Variants in KCTD20 observed in about 807,000 individuals in gnomAD.
The protein encoded by KCTD20 is BTB/POZ domain-containing protein KCTD20.
KCTD20 carries 30 observed loss-of-function variants against 39.6 expected under a neutral mutation model. That is an observed-to-expected ratio of 0.76 (90% CI 0.57 to 1.03). The LOEUF is 1.03. Among genes scored for constraint, KCTD20 ranks in the 50% least tolerant of loss-of-function variants. The pLI is 0.00. For missense variants in KCTD20, 422 were observed against 522.0 expected, an observed-to-expected ratio of 0.81 and a Z score of 1.87; for synonymous variants, 162 against 180.6, an observed-to-expected ratio of 0.90 and a Z score of 0.83.
intron 1 of KCTD20, among the ~76,000 whole-genome samples, chr6:36,460,692 T>C (rs1775576895): frequency 6.6e-6 from 1 of 152,136 alleles, no homozygotes. Context: ...GTAGCAATTA[T>C]TTAAAGAGGA....
chr6:36,450,308 C>G (rs190523257), intron 1 of KCTD20, among the ~76,000 whole-genome samples: 128 of 151,092 alleles, frequency 8.5e-4, no homozygotes, highest in Admixed American at 1.9e-3. Flanking sequence ...GCCAACATGA[C>G]GAAACCCTGT....
At chr6:36,466,698 T>A (rs1369353520) in intron 1 of KCTD20, among the ~76,000 whole-genome samples, 3 of 152,082 alleles carry the variant, frequency 2.0e-5, no homozygotes, top group Non-Finnish European at 2.9e-5. Flanking sequence ...TCTTTCCTTT[T>A]TTTTTTCCCC....
chr6:36,459,318 A>G (rs1383179933), intron 1 of KCTD20, among the ~76,000 whole-genome samples: 3 of 152,256 alleles, frequency 2.0e-5, no homozygotes, highest in African/African-American at 7.2e-5. Context: ...CTCAAAAAAA[A>G]AGAAAAAGAA....
intron 1 of KCTD20, among the ~76,000 whole-genome samples, chr6:36,467,283 G>A (rs944526248): frequency 2.2e-5 from 3 of 135,340 alleles, no homozygotes; most frequent in African/African-American, 5.4e-5. Flanking sequence ...ACTCCAGCCT[G>A]GGCAACAAGT....
chr6:36,484,831 A>G lies in KCTD20; in HGVS notation c.967+7A>G. On this transcript the variant is annotated splice_region_variant and intron_variant, in intron 7 of 7. Transcript: ENST00000373731. The stretch of plus-strand genomic sequence containing the variant: ...ATTCGCATTGGAATTGAAGGTAAAA[A>G]AAAAAAAAAAATCCCAGTCAACATT... 1 of 1,519,092 alleles carries G rather than the reference A, an allele frequency of 6.6e-7. No individual in the cohort carries two copies. 94.1% of individuals were successfully genotyped at this position (1,519,092 alleles called of 1,614,324 possible).
chr6:36,455,001 T>C (rs1462544719), intron 1 of KCTD20, among the ~76,000 whole-genome samples: 3 of 152,180 alleles, frequency 2.0e-5, no homozygotes, highest in Non-Finnish European at 4.4e-5. Flanking sequence ...AGTGTTACTT[T>C]TAGGCTCCCA....
chr6:36,470,675 C>T (rs1775885704), intron 2 of KCTD20, among the ~76,000 whole-genome samples: 1 of 152,090 alleles, frequency 6.6e-6, no homozygotes, highest in African/African-American at 2.4e-5. Flanking sequence ...GATCTTGGCT[C>T]ACTGCAGCTC....
At chr6:36,476,592 G>A (rs1239362480) in intron 3 of KCTD20, among the ~76,000 whole-genome samples, 1 of 151,916 alleles carries the variant, frequency 6.6e-6, no homozygotes, top group Non-Finnish European at 1.5e-5. Flanking sequence ...ACCACACCCG[G>A]CAAATTTTTG....
At position 36,462,309 on chromosome 6, in the gene KCTD20, T is replaced by TA. The variant is rs1463631461; in HGVS notation, c.-46-7743_-46-7742insA. On this transcript the variant is annotated intron_variant, in intron 1 of 7. Transcript: ENST00000373731. ...TTGTGGTCAGATTTGTCTTTCTCAT[T>TA]TCGCTTTTGGGTTTTGGGTCTTGAT... Among the ~76,000 whole-genome samples the TA allele has an allele frequency of 3.6e-4, 55 of 152,330 alleles. 1 individual carries two copies. Among genetic ancestry groups the TA allele is most frequent in the Admixed American group, 2.1e-3 (32 of 15,290 alleles).
intron 2 of KCTD20, among the ~76,000 whole-genome samples, chr6:36,470,870 C>G (rs1775890336): frequency 6.6e-6 from 1 of 152,214 alleles, no homozygotes; most frequent in South Asian, 2.1e-4. Context: ...TCTTCCTAGG[C>G]CCGGCACGGT....
intron 1 of KCTD20, among the ~76,000 whole-genome samples, chr6:36,462,365 T>C (rs1458212282): frequency 6.6e-6 from 1 of 152,182 alleles, no homozygotes; most frequent in Non-Finnish European, 1.5e-5. Flanking sequence ...TAGATTGTAA[T>C]CTCCTGTAAC....
chr6:36,475,749 T>A (rs554794946), intron 3 of KCTD20, among the ~76,000 whole-genome samples: 184 of 135,286 alleles, frequency 1.4e-3, no homozygotes, highest in Middle Eastern at 3.6e-3. Context: ...GCTCCCTTTT[T>A]AAAAAAAAAA....
rs1776531602 is a variant in KCTD20 at position 36,489,777 on chromosome 6, A to G, written c.*2602A>G. 1 of 152,222 alleles carries G rather than the reference A, an allele frequency of 6.6e-6. No homozygotes were observed. Among genetic ancestry groups the G allele is most frequent in the South Asian group, 2.1e-4 (1 of 4,838 alleles). 9.4% of individuals were successfully genotyped at this position (152,222 alleles called of 1,614,324 possible). A position where few individuals can be genotyped will look rare whatever the true frequency, so the allele number is the denominator to read the frequency against. ...AAGCCAGGCTGTTGATATTTTAGCC[A>G]GAGAAATCGGCAAGCCAAGATTAAC... On this transcript the variant is annotated 3_prime_UTR_variant, in exon 8 of 8. Coordinates refer to ENST00000373731, the MANE Select transcript of KCTD20 (RefSeq NM_173562.5).
chr6:36,459,043 C>T (rs377096931), intron 1 of KCTD20, among the ~76,000 whole-genome samples: 5 of 152,014 alleles, frequency 3.3e-5, no homozygotes, highest in South Asian at 2.1e-4. Flanking sequence ...CCGTGGCCCA[C>T]GCCTGTAATC....
intron 7 of KCTD20, among the ~76,000 whole-genome samples, chr6:36,486,105 T>G (rs1174520542): frequency 6.6e-6 from 1 of 152,036 alleles, no homozygotes; most frequent in Non-Finnish European, 1.5e-5. Flanking sequence ...AGATGAGGTC[T>G]CCCTCTGGCC....
chr6:36,472,174 C>T (rs1408155503), intron 2 of KCTD20, among the ~76,000 whole-genome samples: 3 of 152,150 alleles, frequency 2.0e-5, no homozygotes, highest in African/African-American at 7.2e-5. Context: ...TTTTAATAAA[C>T]AGCACCTCAC....
At chr6:36,465,296 C>CAA (rs143652568) in intron 1 of KCTD20, among the ~76,000 whole-genome samples, 5 of 83,180 alleles carry the variant, frequency 6.0e-5, no homozygotes, top group African/African-American at 2.0e-4. Context: ...GATTCCGTCT[C>CAA]AAAAAAAAAA....
chr6:36,486,205 G>A (rs1250782264), intron 7 of KCTD20, among the ~76,000 whole-genome samples: 2 of 152,192 alleles, frequency 1.3e-5, no homozygotes, highest in African/African-American at 4.8e-5. Flanking sequence ...ACAGTGTCCA[G>A]CCTTGGAAGA....
chr6:36,444,550 CT>C (rs1774981129), intron 1 of KCTD20, among the ~76,000 whole-genome samples: 1 of 152,020 alleles, frequency 6.6e-6, no homozygotes, highest in Non-Finnish European at 1.5e-5. Context: ...TCACTCAAGT[CT>C]CCCCATGGAA....
Sources: allele counts gnomAD v4.1 joint callset (sites outside exome capture counted in the v4.1 genomes callset), GRCh38; gene constraint gnomAD v4.1.1; transcripts MANE v1.5; gene names NCBI Gene and HGNC (gene_info 2026-07-23, HGNC 2026-07-21).